The following ERBB4 variants were observed in gnomAD, a reference collection of about 807,000 sequenced individuals.
ERBB4 encodes erb-b2 receptor tyrosine kinase 4.
In ERBB4, 42 loss-of-function variants were observed where a neutral mutation model predicts 158.0. The ratio of observed to expected loss-of-function variants is 0.27; its 90% CI spans 0.21 to 0.34. The LOEUF (loss-of-function observed/expected upper bound fraction) is 0.34. Ranked by LOEUF, ERBB4 falls within the 10% of genes least tolerant of loss-of-function variation. The pLI is 1.00. For missense variants in ERBB4, 1,333 were observed against 1,624.1 expected (o/e 0.82, Z 3.08); for synonymous variants, 583 against 558.7 (o/e 1.04, Z -0.61).
chr2:211,610,128 T>C (rs1370502121), intron 19 of ERBB4, among the ~76,000 whole-genome samples: 6 of 152,192 alleles, frequency 3.9e-5, no homozygotes, highest in African/African-American at 1.4e-4. Context: ...AGAGAATTTT[T>C]ATCTTTTATC....
intron 1 of ERBB4, among the ~76,000 whole-genome samples, chr2:212,413,550 G>A (rs1177060772): frequency 1.3e-5 from 2 of 152,004 alleles, no homozygotes; most frequent in Non-Finnish European, 2.9e-5. Context: ...CTGTAAAACA[G>A]TTCTATGGTT....
intron 1 of ERBB4, among the ~76,000 whole-genome samples, chr2:212,394,817 A>T (rs145625194): frequency 7.9e-5 from 12 of 152,294 alleles, no homozygotes; most frequent in African/African-American, 2.6e-4. Flanking sequence ...AAGCAACTTT[A>T]GGAAATGACG....
intron 1 of ERBB4, among the ~76,000 whole-genome samples, chr2:212,240,235 G>A (rs1039400083): frequency 5.1e-4 from 78 of 152,182 alleles, no homozygotes; most frequent in East Asian, 7.7e-4. Flanking sequence ...TTAGAAAACC[G>A]CAGAAGCAAA....
At chr2:212,276,198 A>G (rs542779759) in intron 1 of ERBB4, among the ~76,000 whole-genome samples, 1 of 151,854 alleles carries the variant, frequency 6.6e-6, no homozygotes, top group East Asian at 2.0e-4. Flanking sequence ...TTGTTTACCC[A>G]TGGTTGACCA....
chr2:211,958,357 T>C (rs982340270), intron 2 of ERBB4, among the ~76,000 whole-genome samples: 3 of 152,082 alleles, frequency 2.0e-5, no homozygotes, highest in Non-Finnish European at 4.4e-5. Flanking sequence ...GACAAGAAAT[T>C]TAAATGTTTT....
At chr2:212,380,285 TA>T (rs1221634142) in intron 1 of ERBB4, among the ~76,000 whole-genome samples, 1 of 150,124 alleles carries the variant, frequency 6.7e-6, no homozygotes, top group Non-Finnish European at 1.5e-5. Context: ...CTAATAAAGT[TA>T]AAAAAACTAT....
At chr2:211,855,472 CCA>C (rs2077833203) in intron 3 of ERBB4, among the ~76,000 whole-genome samples, 1 of 152,102 alleles carries the variant, frequency 6.6e-6, no homozygotes. Context: ...ACATTTACAT[CCA>C]CAATCTACCA....
At chr2:211,745,488 C>T (rs562338131) in intron 5 of ERBB4, among the ~76,000 whole-genome samples, 1 of 152,164 alleles carries the variant, frequency 6.6e-6, no homozygotes, top group African/African-American at 2.4e-5. Flanking sequence ...TCTTCCATGT[C>T]CCAGCCACCA....
At chr2:212,259,183 G>A (rs956099183) in intron 1 of ERBB4, among the ~76,000 whole-genome samples, 2 of 152,074 alleles carry the variant, frequency 1.3e-5, no homozygotes, top group Non-Finnish European at 2.9e-5. Context: ...ATTTTCTTTA[G>A]TATTTGTCCT....
intron 20 of ERBB4, among the ~76,000 whole-genome samples, chr2:211,466,155 C>T (rs2064681537): frequency 6.6e-6 from 1 of 152,040 alleles, no homozygotes; most frequent in African/African-American, 2.4e-5. Context: ...AGAGCTCTGA[C>T]ATTTTTAAAA....
intron 20 of ERBB4, among the ~76,000 whole-genome samples, chr2:211,547,684 A>C (rs2066979197): frequency 6.6e-6 from 1 of 152,104 alleles, no homozygotes; most frequent in African/African-American, 2.4e-5. Context: ...TGACTAACAG[A>C]TGAAATTGTG....
intron 4 of ERBB4, among the ~76,000 whole-genome samples, chr2:211,754,096 G>A: frequency 6.6e-6 from 1 of 151,830 alleles, no homozygotes; most frequent in Admixed American, 6.6e-5. Flanking sequence ...TCCTGACCTC[G>A]TGATCTGCCT....
At chr2:211,567,024 G>A (rs1165304484) in intron 19 of ERBB4, among the ~76,000 whole-genome samples, 1 of 152,124 alleles carries the variant, frequency 6.6e-6, no homozygotes, top group East Asian at 1.9e-4. Flanking sequence ...TGTCTCCATC[G>A]AATGTGTGCT....
intron 1 of ERBB4, among the ~76,000 whole-genome samples, chr2:212,184,923 T>G (rs1400276886): frequency 2.6e-5 from 4 of 152,062 alleles, no homozygotes; most frequent in African/African-American, 7.2e-5. Context: ...CAAGGACCAA[T>G]CTAGTGCACC....
In ERBB4 at chr2:211,664,501, T is replaced by C. The variant is rs373895938; in HGVS notation, c.1871+822A>G. 4.1e-4 allele frequency among the ~76,000 whole-genome samples: 62 copies of C among 152,294 alleles called. 1 individual carries two copies. The South Asian group carries it at 0.013, about 31-fold the overall frequency. ...ACAAATTATTCACCTTCCGGAGGAA[T>C]GAAAAGGAAAAATCCTTACTAAAAT... On this transcript the variant is annotated intron_variant, in intron 15 of 27. Transcript: ENST00000342788.
intron 2 of ERBB4, among the ~76,000 whole-genome samples, chr2:211,989,524 A>G (rs2082018650): frequency 6.6e-6 from 1 of 151,896 alleles, no homozygotes; most frequent in African/African-American, 2.4e-5. Flanking sequence ...TGTTTAATCA[A>G]TTTAAAATAG....
chr2:212,167,729 G>A (rs2081390183), intron 1 of ERBB4, among the ~76,000 whole-genome samples: 1 of 152,184 alleles, frequency 6.6e-6, no homozygotes, highest in South Asian at 2.1e-4. Context: ...AGAAAATGTG[G>A]TACATATACA....
At chr2:212,329,925 C>T (rs1489707714) in intron 1 of ERBB4, among the ~76,000 whole-genome samples, 1 of 152,052 alleles carries the variant, frequency 6.6e-6, no homozygotes, top group Non-Finnish European at 1.5e-5. Context: ...ACCAACTTTT[C>T]CAGTGTTACT....
intron 2 of ERBB4, among the ~76,000 whole-genome samples, chr2:211,960,293 C>A (rs1241646409): frequency 1.3e-5 from 2 of 152,018 alleles, no homozygotes; most frequent in African/African-American, 4.8e-5. Context: ...TTGGAAGAGA[C>A]CCTTCCTGGC....
Sources: allele counts gnomAD v4.1 joint callset (sites outside exome capture counted in the v4.1 genomes callset), GRCh38; gene constraint gnomAD v4.1.1; transcripts MANE v1.5; gene names NCBI Gene and HGNC (gene_info 2026-07-23, HGNC 2026-07-21).